Variants in MYH16 observed in about 807,000 individuals in gnomAD.
The protein encoded by MYH16 is myosin heavy chain 16.
chr7:99,241,084 T>C (rs1041892221), intron 1 of MYH16, among the ~76,000 whole-genome samples: 1 of 152,134 alleles, frequency 6.6e-6, no homozygotes, highest in African/African-American at 2.4e-5. Flanking sequence ...GGATCCACAT[T>C]TAAGGACAAC....
At chr7:99,290,580 A>C (rs1584354996) in intron 30 of MYH16, among the ~76,000 whole-genome samples, 1 of 151,608 alleles carries the variant, frequency 6.6e-6, no homozygotes, top group Admixed American at 6.6e-5. Flanking sequence ...TGGGCAGATC[A>C]CTTGAGGTCA....
downstream of MYH16, among the ~76,000 whole-genome samples, chr7:99,308,314 A>C (rs985569342): frequency 2.7e-5 from 4 of 150,890 alleles, no homozygotes; most frequent in Non-Finnish European, 5.9e-5. Flanking sequence ...AAAAAAAAAA[A>C]AAAAAACCAG....
At chr7:99,307,815 G>A (rs1020700019), downstream of MYH16, among the ~76,000 whole-genome samples, 5 of 151,984 alleles carry the variant, frequency 3.3e-5, no homozygotes, top group Non-Finnish European at 5.9e-5. Flanking sequence ...TGCAACCTCC[G>A]CCTCCCAGGT....
At chr7:99,310,578 A>G (rs73709636), downstream of MYH16, among the ~76,000 whole-genome samples, 1,962 of 152,210 alleles carry the variant, frequency 0.013, 31 homozygotes, top group African/African-American at 0.045. Flanking sequence ...GTATAACTCA[A>G]CAGTATCCAT....
At chr7:99,279,592 A>G (rs1354918392) in exon 22 of MYH16, 1 of 456,632 alleles carries the variant, frequency 2.2e-6, no homozygotes, top group East Asian at 7.0e-5. Context: ...CAGATCTCAG[A>G]CATGCGGGAG....
At chr7:99,278,162 C>A (rs543665328) in intron 21 of MYH16, among the ~76,000 whole-genome samples, 1 of 152,224 alleles carries the variant, frequency 6.6e-6, no homozygotes, top group South Asian at 2.1e-4. Flanking sequence ...AGGCTTGTCT[C>A]AAACTCCCAG....
At chr7:99,251,320 G>A (rs1472150294) in intron 6 of MYH16, 1 of 152,568 alleles carries the variant, frequency 6.6e-6, no homozygotes, top group African/African-American at 2.4e-5. Context: ...CCCCTTCCCA[G>A]AGATGTTGAA....
intron 20 of MYH16, among the ~76,000 whole-genome samples, chr7:99,277,189 C>A (rs2150818526): frequency 6.6e-6 from 1 of 152,122 alleles, no homozygotes; most frequent in South Asian, 2.1e-4. Context: ...CAAGGCTGTG[C>A]ATTTCACTGG....
intron 11 of MYH16, among the ~76,000 whole-genome samples, chr7:99,259,654 T>C (rs1368471535): frequency 6.6e-6 from 1 of 151,346 alleles, no homozygotes; most frequent in Non-Finnish European, 1.5e-5. Context: ...GATGGGGTTT[T>C]ACCATGATGA....
chr7:99,299,197 G>A (rs1296045243), intron 36 of MYH16, among the ~76,000 whole-genome samples: 1 of 152,180 alleles, frequency 6.6e-6, no homozygotes, highest in Non-Finnish European at 1.5e-5. Flanking sequence ...AGTGAGTTAT[G>A]ATCACACTAC....
chr7:99,282,961 G>A (rs1027496109), intron 23 of MYH16, among the ~76,000 whole-genome samples: 2 of 152,200 alleles, frequency 1.3e-5, no homozygotes, highest in East Asian at 1.9e-4. Context: ...GGGACATCAG[G>A]AATGTGGACT....
intron 29 of MYH16, among the ~76,000 whole-genome samples, chr7:99,289,070 C>T (rs946909507): frequency 6.6e-6 from 1 of 151,184 alleles, no homozygotes. Context: ...GCTCTGATTG[C>T]ACCTATGCAC....
chr7:99,253,182 A>G (rs1791831032), intron 7 of MYH16: 2 of 152,008 alleles, frequency 1.3e-5, no homozygotes, highest in African/African-American at 4.8e-5. Context: ...CAAGAGGATC[A>G]CTTGAGCCCA....
intron 19 of MYH16, among the ~76,000 whole-genome samples, chr7:99,272,316 G>C (rs180690323): frequency 6.6e-6 from 1 of 152,260 alleles, no homozygotes; most frequent in Non-Finnish European, 1.5e-5. Context: ...TGGAAACTGA[G>C]GTCTGAGAGG....
downstream of MYH16, among the ~76,000 whole-genome samples, chr7:99,309,796 G>T (rs748525936): frequency 6.6e-6 from 1 of 152,210 alleles, no homozygotes; most frequent in Non-Finnish European, 1.5e-5. Flanking sequence ...TCCTGCCACC[G>T]GCACCCAGAG....
intron 38 of MYH16, 131 bp from the exon 20 acceptor site, chr7:99,302,934 C>G (rs898110309): frequency 6.6e-6 from 1 of 152,194 alleles, no homozygotes; most frequent in East Asian, 1.9e-4. Flanking sequence ...CCATACCCCA[C>G]GCAGAGGGCC....
At chr7:99,258,513 A>G (rs557933930) in intron 11 of MYH16, 1 of 152,360 alleles carries the variant, frequency 6.6e-6, no homozygotes, top group Admixed American at 6.5e-5. Flanking sequence ...GGGCAGACCA[A>G]TCTCGGTTTG....
chr7:99,279,946 A>G (rs1792179071), intron 22 of MYH16, among the ~76,000 whole-genome samples: 1 of 152,090 alleles, frequency 6.6e-6, no homozygotes, highest in African/African-American at 2.4e-5. Context: ...ACCTCAGCTC[A>G]CTGCAACCTC....
downstream of MYH16, among the ~76,000 whole-genome samples, chr7:99,308,247 A>T (rs1360367189): frequency 5.5e-5 from 8 of 146,570 alleles, no homozygotes. Context: ...GTGAGCCAAG[A>T]TCACGCCACT....
Sources: gnomAD v4.1 joint callset for allele counts (sites outside exome capture counted in the v4.1 genomes callset) on GRCh38, gnomAD v4.1.1 for gene constraint, MANE v1.5 for transcripts, NCBI Gene and HGNC (gene_info 2026-07-23, HGNC 2026-07-21) for gene names.